Variants in PTPRG observed in about 807,000 individuals in gnomAD.
PTPRG encodes the protein receptor-type tyrosine-protein phosphatase gamma.
A neutral mutation model predicts 165.3 loss-of-function variants in PTPRG; 102 were observed. The observed-to-expected ratio is 0.62, with a 90% confidence interval of 0.53 to 0.73. PTPRG has a LOEUF of 0.73. Ranked by LOEUF, PTPRG falls within the 30% of genes least tolerant of loss-of-function variation. The pLI, the probability that PTPRG is intolerant of heterozygous loss-of-function variation, is 0.00. For synonymous variants in PTPRG, 675 were observed against 669.5 expected (o/e 1.01, Z -0.13); for missense variants, 1,866 against 1,861.4 (o/e 1.00, Z -0.05).
intron 2 of PTPRG, among the ~76,000 whole-genome samples, chr3:61,960,059 G>A (rs138401534): frequency 3.3e-5 from 5 of 152,184 alleles, no homozygotes; most frequent in Admixed American, 2.6e-4. Flanking sequence ...CTCAGGAGTC[G>A]CTGTATTCTG....
intron 2 of PTPRG, among the ~76,000 whole-genome samples, chr3:61,827,078 T>G (rs964407434): frequency 9.9e-5 from 15 of 152,184 alleles, no homozygotes; most frequent in African/African-American, 3.4e-4. Context: ...AGTTGGAATC[T>G]TTCAGAGTAA....
chr3:61,590,483 C>T (rs1402911021), intron 1 of PTPRG, among the ~76,000 whole-genome samples: 11 of 151,996 alleles, frequency 7.2e-5, no homozygotes, highest in Admixed American at 7.2e-4. Context: ...AAGATCGTGC[C>T]ACTGCACTCC....
At chr3:61,864,501 A>G (rs778732140) in intron 2 of PTPRG, among the ~76,000 whole-genome samples, 3 of 152,168 alleles carry the variant, frequency 2.0e-5, no homozygotes, top group Non-Finnish European at 4.4e-5. Flanking sequence ...GGATTTTGGG[A>G]GAATTAAGGC....
chr3:61,645,798 C>T (rs979091020), intron 1 of PTPRG, among the ~76,000 whole-genome samples: 5 of 152,198 alleles, frequency 3.3e-5, no homozygotes, highest in Non-Finnish European at 7.3e-5. Context: ...ACTTTATGTA[C>T]AATAACAGGC....
intron 1 of PTPRG, among the ~76,000 whole-genome samples, chr3:61,720,137 A>G (rs1391352867): frequency 6.8e-6 from 1 of 147,298 alleles, no homozygotes; most frequent in Non-Finnish European, 1.5e-5. Context: ...TTTTTTTTTG[A>G]GACACATTCT....
At chr3:61,917,047 C>G (rs1360562255) in intron 2 of PTPRG, among the ~76,000 whole-genome samples, 1 of 152,100 alleles carries the variant, frequency 6.6e-6, no homozygotes, top group Non-Finnish European at 1.5e-5. Flanking sequence ...GATGTGGGGA[C>G]TGGAATGCTA....
In PTPRG at chr3:62,138,926, C is replaced by T. The variant is rs79997654; in HGVS notation, c.682+6258C>T. 4.7e-3 allele frequency among the ~76,000 whole-genome samples: 713 copies of T among 152,236 alleles called. 4 individuals carry two copies. Among genetic ancestry groups the T allele is most frequent in the African/African-American group, 0.015 (617 of 41,528 alleles). On this transcript the variant is annotated intron_variant, in intron 6 of 29. Coordinates refer to ENST00000474889, the MANE Select transcript of PTPRG (RefSeq NM_002841.4). Reference sequence around the variant, plus strand: ...ATCCAGCAGGCTGTTTGTGTACATACACATATACTGTGAAAAGACTTCAAA... The same window carrying T: ...ATCCAGCAGGCTGTTTGTGTACATATACATATACTGTGAAAAGACTTCAAA...
chr3:62,048,310 T>C (rs1700362475), intron 4 of PTPRG, among the ~76,000 whole-genome samples: 1 of 152,236 alleles, frequency 6.6e-6, no homozygotes, highest in Non-Finnish European at 1.5e-5. Context: ...ATGGGTATTG[T>C]AACCTGCTTG....
chr3:62,171,963 C>T (rs1705233883), intron 8 of PTPRG, among the ~76,000 whole-genome samples: 1 of 152,144 alleles, frequency 6.6e-6, no homozygotes, highest in South Asian at 2.1e-4. Flanking sequence ...TACCTTTTGT[C>T]TCTATGAATT....
intron 3 of PTPRG, among the ~76,000 whole-genome samples, chr3:62,001,401 G>A (rs1245743325): frequency 6.6e-6 from 1 of 152,104 alleles, no homozygotes; most frequent in Non-Finnish European, 1.5e-5. Context: ...GATTCCCTGG[G>A]TGTATTGTAA....
intron 1 of PTPRG, among the ~76,000 whole-genome samples, chr3:61,589,329 A>G (rs1700509970): frequency 6.6e-6 from 1 of 152,126 alleles, no homozygotes; most frequent in Admixed American, 6.5e-5. Flanking sequence ...ATACCATCTC[A>G]TTAAGGAAAC....
At position 61,562,353 on chromosome 3, in the gene PTPRG, T is replaced by C; in HGVS notation, c.66T>C (p.His22=). The C allele has an allele frequency of 6.2e-7, 1 of 1,613,032 alleles. No homozygotes were observed. ...TGAAAATCACCAGTTCCGTGCTCCA[T>C]TATGTCGTGTGCTTCCCCGGTGAGT... The part of the protein sequence containing the change: ...LFLKITSSVL[H]YVVCFPALTE... Residue 22 remains histidine, a synonymous_variant, in exon 1 of 30, where the codon CAT becomes CAC. Coordinates refer to ENST00000474889, the MANE Select transcript of PTPRG (RefSeq NM_002841.4).
intron 2 of PTPRG, among the ~76,000 whole-genome samples, chr3:61,827,779 A>G (rs1416446132): frequency 1.3e-5 from 2 of 152,216 alleles, no homozygotes; most frequent in Non-Finnish European, 2.9e-5. Context: ...TTTCTAAGCT[A>G]TAGGTCATCA....
chr3:61,825,040 C>G lies in PTPRG; in HGVS notation c.190+76058C>G, dbSNP rs150547196. 3.1e-3 allele frequency among the ~76,000 whole-genome samples: 475 copies of G among 152,236 alleles called. 2 individuals carry two copies. Among genetic ancestry groups the G allele is most frequent in the African/African-American group, 0.011 (443 of 41,550 alleles). On this transcript the variant is annotated intron_variant, in intron 2 of 29. Coordinates refer to ENST00000474889, the MANE Select transcript of PTPRG (RefSeq NM_002841.4). ...AGAATGGGAAGCAAAAGGTGACATGCCAGAGTAGAAGTAAAGAATTGTCTT... is the reference window on the plus strand; with the variant it reads ...AGAATGGGAAGCAAAAGGTGACATGGCAGAGTAGAAGTAAAGAATTGTCTT...
intron 2 of PTPRG, among the ~76,000 whole-genome samples, chr3:61,852,532 A>G (rs2107369603): frequency 6.6e-6 from 1 of 152,330 alleles, no homozygotes; most frequent in East Asian, 1.9e-4. Context: ...GTTAGCATCC[A>G]GCTTCAGTGA....
chr3:61,679,554 G>A (rs1218932792), intron 1 of PTPRG, among the ~76,000 whole-genome samples: 1 of 152,118 alleles, frequency 6.6e-6, no homozygotes, highest in African/African-American at 2.4e-5. Flanking sequence ...GGAGGTCAAA[G>A]CTGGTGGATC....
chr3:61,802,383 T>C (rs752395724), intron 2 of PTPRG, among the ~76,000 whole-genome samples: 1 of 152,170 alleles, frequency 6.6e-6, no homozygotes, highest in Non-Finnish European at 1.5e-5. Context: ...AAATGAATGC[T>C]GGTTGCACAG....
chr3:62,033,818 A>T (rs1699853185), intron 4 of PTPRG, among the ~76,000 whole-genome samples: 1 of 152,094 alleles, frequency 6.6e-6, no homozygotes, highest in Non-Finnish European at 1.5e-5. Context: ...TCCGGGCTGG[A>T]GTGCAGTGGT....
chr3:62,153,491 A>G (rs1704418386), intron 6 of PTPRG, among the ~76,000 whole-genome samples: 1 of 152,204 alleles, frequency 6.6e-6, no homozygotes, highest in Admixed American at 6.5e-5. Flanking sequence ...TTTAACCTAG[A>G]CTGCTCATGC....
Sources: allele counts gnomAD v4.1 joint callset (sites outside exome capture counted in the v4.1 genomes callset), GRCh38; gene constraint gnomAD v4.1.1; transcripts MANE v1.5; gene names NCBI Gene and HGNC (gene_info 2026-07-23, HGNC 2026-07-21).